Variants in PCLO observed in about 807,000 individuals in gnomAD.
PCLO encodes the protein protein piccolo.
Under a neutral mutation model 427.5 loss-of-function variants are expected in PCLO, and 82 were observed. The observed-to-expected ratio is 0.19, with a 90% confidence interval of 0.16 to 0.23. The LOEUF is 0.23. Among genes scored for constraint, PCLO ranks in the 10% least tolerant of loss-of-function variants. The pLI, the probability that PCLO is intolerant of heterozygous loss-of-function variation, is 1.00. For missense variants in PCLO, 6,239 were observed against 6,115.9 expected (o/e 1.02, Z -0.67); for synonymous variants, 2,357 against 2,155.4 (o/e 1.09, Z -2.59).
chr7:83,028,239 G>A (rs1369041402), intron 3 of PCLO, among the ~76,000 whole-genome samples: 3 of 150,960 alleles, frequency 2.0e-5, no homozygotes, highest in Non-Finnish European at 4.5e-5. Flanking sequence ...TCCTTAAGCT[G>A]ATAAGCAACT....
chr7:82,994,777 C>T (rs1796458154), intron 3 of PCLO, among the ~76,000 whole-genome samples: 1 of 151,540 alleles, frequency 6.6e-6, no homozygotes, highest in African/African-American at 2.4e-5. Flanking sequence ...AACCAAAGTG[C>T]TATAGATCAG....
chr7:83,039,397 G>A (rs992509058), intron 3 of PCLO, among the ~76,000 whole-genome samples: 11 of 151,936 alleles, frequency 7.2e-5, no homozygotes, highest in African/African-American at 1.9e-4. Context: ...TGTATATAGC[G>A]TGAAGTTCCA....
At chr7:83,032,479 CCCTTCCTTCCCTTGCTTCACTT>C (rs1487180264) in intron 3 of PCLO, among the ~76,000 whole-genome samples, 5 of 144,650 alleles carry the variant, frequency 3.5e-5, no homozygotes, top group African/African-American at 1.3e-4. Flanking sequence ...TCCCTTCCTT[CCCTTCCTTCCCTTGCTTCACTT>C]CCTTCCTTCC....
Position 82,952,450 on chromosome 7 carries a change from G to T in PCLO, c.8503C>A (p.Pro2835Thr). Residue 2835 changes from proline to threonine, a missense_variant, in exon 5 of 25, where the codon CCA becomes ACA. Pro to Thr is a conservative substitution (Grantham distance 38, BLOSUM62 -1). This residue lies in a region of PCLO where 4,677 missense variants were observed against 4,468.4 expected (regional missense o/e 1.05). Coordinates refer to ENST00000333891, the MANE Select transcript of PCLO (RefSeq NM_033026.6). ...ACCTGGTCACTTGGTATCCTGTATG[G>T]GGGCTCAGCATGCTTTGATGTTGTA... Reference protein sequence around the residue: ...QLTTSKHAEPPYRIPSDQVFP... With the variant: ...QLTTSKHAEPTYRIPSDQVFP... The T allele has an allele frequency of 6.2e-7, 1 of 1,613,832 alleles. No individual in the cohort carries two copies. The highest frequency in any genetic ancestry group is 8.5e-7 in the Non-Finnish European group (1 of 1,179,820).
In PCLO at chr7:82,953,614, A is replaced by T. The variant is rs1379893385; in HGVS notation, c.7339T>A (p.Ser2447Thr). 1 of 1,609,450 alleles carries T rather than the reference A, an allele frequency of 6.2e-7. No individual in the cohort carries two copies. Among genetic ancestry groups the T allele is most frequent in the African/African-American group, 1.3e-5 (1 of 74,128 alleles). ...ILPKKKLTVA[S>T]PVTTATPLFD... is the part of the protein sequence containing the mutation. ...AGAGGTGTAGCTGTAGTCACTGGAG[A>T]TGCAACTGTTAACTTTTTTTTAGGA... Residue 2447 changes from serine to threonine, a missense_variant, in exon 5 of 25, where the codon TCT becomes ACT. This residue lies in a region of PCLO where 4,677 missense variants were observed against 4,468.4 expected (regional missense o/e 1.05). Coordinates refer to ENST00000333891, the MANE Select transcript of PCLO (RefSeq NM_033026.6).
chr7:83,096,069 T>A (rs1377964237), intron 3 of PCLO, among the ~76,000 whole-genome samples: 1 of 152,088 alleles, frequency 6.6e-6, no homozygotes, highest in Non-Finnish European at 1.5e-5. Flanking sequence ...CTAACACACC[T>A]CAATTTCAAC....
At chr7:82,935,623 A>T (rs1430536832) in intron 6 of PCLO, among the ~76,000 whole-genome samples, 1 of 151,718 alleles carries the variant, frequency 6.6e-6, no homozygotes, top group Non-Finnish European at 1.5e-5. Context: ...ACATGAAGCT[A>T]AAAGTGAAAT....
chr7:83,069,048 C>T (rs748816769), intron 3 of PCLO, among the ~76,000 whole-genome samples: 5 of 152,026 alleles, frequency 3.3e-5, no homozygotes, highest in Non-Finnish European at 5.9e-5. Flanking sequence ...GTGGTTACCA[C>T]GGGTTAGGGG....
intron 3 of PCLO, among the ~76,000 whole-genome samples, chr7:83,107,220 T>C (rs1390344892): frequency 6.6e-6 from 1 of 152,162 alleles, no homozygotes; most frequent in Non-Finnish European, 1.5e-5. Context: ...TCAAAATAAA[T>C]TTATTATAGT....
intron 10 of PCLO, chr7:82,868,294 G>A (rs772892923): frequency 2.3e-6 from 1 of 442,716 alleles, no homozygotes; most frequent in Non-Finnish European, 4.5e-6. Flanking sequence ...CTGTCCTCTA[G>A]TAATGCTACT....
At chr7:83,076,123 TAAAA>T (rs3039471) in intron 3 of PCLO, among the ~76,000 whole-genome samples, 7 of 148,356 alleles carry the variant, frequency 4.7e-5, no homozygotes, top group African/African-American at 1.5e-4. Context: ...TTCTTGGATT[TAAAA>T]AAAAAAAAAA....
At chr7:83,153,620 T>C (rs1792192849) in intron 2 of PCLO, among the ~76,000 whole-genome samples, 1 of 152,200 alleles carries the variant, frequency 6.6e-6, no homozygotes, top group African/African-American at 2.4e-5. Flanking sequence ...CACTAACAGC[T>C]GTCCTCCAGA....
At chr7:83,151,843 A>G (rs1239551885) in intron 2 of PCLO, among the ~76,000 whole-genome samples, 1 of 152,190 alleles carries the variant, frequency 6.6e-6, no homozygotes, top group Non-Finnish European at 1.5e-5. Context: ...AACTAACTAT[A>G]GTAACTACTT....
intron 10 of PCLO, among the ~76,000 whole-genome samples, chr7:82,847,824 C>T (rs1289607958): frequency 6.6e-6 from 1 of 152,120 alleles, no homozygotes; most frequent in African/African-American, 2.4e-5. Context: ...ATAGGAAGGG[C>T]AGCTGCAGGG....
rs76078319 is a variant in PCLO, at chr7:82,872,416, C to T, written c.13654+6921G>A. On this transcript the variant is annotated intron_variant, in intron 10 of 24. Coordinates refer to ENST00000333891, the MANE Select transcript of PCLO (RefSeq NM_033026.6). ...AAAGCAACAATGGGAAACCATTGCA[C>T]AACAGAGTTGATAAAAGGAAATGTA... 3.6e-3 allele frequency among the ~76,000 whole-genome samples: 542 copies of T among 151,842 alleles called. 3 individuals are homozygous for T. Among genetic ancestry groups the T allele is most frequent in the Non-Finnish European group, 5.6e-3 (377 of 67,912 alleles).
intron 3 of PCLO, among the ~76,000 whole-genome samples, chr7:83,020,844 G>A (rs1464077505): frequency 1.6e-4 from 24 of 152,068 alleles, no homozygotes. Flanking sequence ...GGTATATTTG[G>A]CATTAATCAT....
chr7:83,091,740 T>A (rs1790383139), intron 3 of PCLO, among the ~76,000 whole-genome samples: 1 of 152,180 alleles, frequency 6.6e-6, no homozygotes, highest in African/African-American at 2.4e-5. Flanking sequence ...GAAAAATGTG[T>A]TTAAATCATG....
At chr7:83,000,774 T>G (rs1787803878) in intron 3 of PCLO, among the ~76,000 whole-genome samples, 1 of 152,022 alleles carries the variant, frequency 6.6e-6, no homozygotes, top group Admixed American at 6.6e-5. Flanking sequence ...TAATAGGTAT[T>G]AACTTGGATC....
chr7:82,925,936 C>T (rs1358461220), intron 6 of PCLO, among the ~76,000 whole-genome samples: 2 of 151,696 alleles, frequency 1.3e-5, no homozygotes, highest in Non-Finnish European at 2.9e-5. Flanking sequence ...CCCGGCTGGT[C>T]TCAAACTCCT....
Sources: gnomAD v4.1 joint callset for allele counts (sites outside exome capture counted in the v4.1 genomes callset) on GRCh38, gnomAD v4.1.1 for gene constraint, gnomAD v4.1.1 regional missense constraint, MANE v1.5 for transcripts, NCBI Gene and HGNC (gene_info 2026-07-23, HGNC 2026-07-21) for gene names.